MED12L: variants seen among roughly 807,000 people sequenced by gnomAD.
MED12L encodes mediator complex subunit 12L.
In MED12L, 60 loss-of-function variants were observed where a neutral mutation model predicts 281.3. That is an observed-to-expected ratio of 0.21 (90% confidence interval 0.17 to 0.26). The LOEUF is 0.26. MED12L is among the 10% of genes least tolerant of loss of function. The pLI is 1.00. For missense variants in MED12L, 2,146 were observed against 2,680.9 expected (o/e 0.80, Z 4.41); for synonymous variants, 974 against 987.2 (o/e 0.99, Z 0.25).
rs562978727 is a variant in MED12L, at chr3:151,202,171, T to C, written c.2250+8505T>C. Among the ~76,000 whole-genome samples, 7 of 152,344 alleles carry C rather than the reference T, an allele frequency of 4.6e-5. No individual in the cohort carries two copies. The South Asian group carries it at 1.4e-3, about 32-fold the overall frequency. ...AGAAACAAATCTGTTTATTTAAAAT[T>C]TTTGCTTATGTAAATTAGAGGTTAA... is the stretch of plus-strand genomic sequence containing the variant. On this transcript the variant is annotated intron_variant, in intron 16 of 44. Coordinates refer to ENST00000687756, the MANE Select transcript of MED12L (RefSeq NM_001393769.1).
At chr3:151,122,026 T>G (rs1181946055) in intron 3 of MED12L, among the ~76,000 whole-genome samples, 1 of 152,198 alleles carries the variant, frequency 6.6e-6, no homozygotes, top group Non-Finnish European at 1.5e-5. Flanking sequence ...ATTCACTAAA[T>G]TTTTAGATAT....
chr3:151,153,057 A>T (rs1234072325), intron 5 of MED12L, among the ~76,000 whole-genome samples: 5 of 152,184 alleles, frequency 3.3e-5, no homozygotes, highest in African/African-American at 1.2e-4. Context: ...ACGTGTTTTC[A>T]TATACTAGAG....
rs761528306 is a variant in MED12L at position 151,338,010 on chromosome 3, A to G, written c.2251-12049A>G. On this transcript the variant is annotated intron_variant, in intron 16 of 44. Transcript: ENST00000687756. ...AGTTAACCACAGAGTGCTCTCTTTC[A>G]CATAGAACAGAGTATTTTCAGCAGT... 4.6e-5 allele frequency: 75 copies of G among 1,614,154 alleles called. 1 individual carries two copies. In the African/African-American group the frequency reaches 8.1e-4, roughly 17 times the overall value.
At chr3:151,309,012 G>A (rs534267904) in intron 16 of MED12L, among the ~76,000 whole-genome samples, 3 of 151,800 alleles carry the variant, frequency 2.0e-5, no homozygotes, top group Non-Finnish European at 2.9e-5. Context: ...AGCATCAAAC[G>A]TTCACTCTCA....
intron 16 of MED12L, among the ~76,000 whole-genome samples, chr3:151,330,190 A>T (rs1334887187): frequency 1.3e-5 from 2 of 152,174 alleles, no homozygotes; most frequent in East Asian, 3.8e-4. Flanking sequence ...TTAAGAATGA[A>T]TTGGTTGCCT....
At chr3:151,217,377 A>G (rs1728442417) in intron 16 of MED12L, among the ~76,000 whole-genome samples, 1 of 152,186 alleles carries the variant, frequency 6.6e-6, no homozygotes, top group African/African-American at 2.4e-5. Flanking sequence ...CAGATTCCTC[A>G]GGTTGCTGGG....
chr3:151,406,802 CTT>C (rs36114038), intron 39 of MED12L, among the ~76,000 whole-genome samples: 107 of 137,290 alleles, frequency 7.8e-4, no homozygotes, highest in Non-Finnish European at 9.4e-4. Flanking sequence ...TCTTCTTCTT[CTT>C]TTTTTTTTTT....
intron 21 of MED12L, among the ~76,000 whole-genome samples, chr3:151,364,029 C>A (rs1754968515): frequency 6.6e-6 from 1 of 152,072 alleles, no homozygotes; most frequent in South Asian, 2.1e-4. Flanking sequence ...TAGGTCACCA[C>A]AAACCACAAA....
chr3:151,368,136 T>C lies in MED12L; in HGVS notation c.3449-14T>C. Reference sequence around the variant, plus strand: ...TGTGTTAGAAAACTTGCTTTTCCAATCCCCCTTTCCTAGCTTGTGGGGATG... The same window carrying C: ...TGTGTTAGAAAACTTGCTTTTCCAACCCCCCTTTCCTAGCTTGTGGGGATG... On this transcript the variant is annotated splice_polypyrimidine_tract_variant and intron_variant, in intron 24 of 44. Coordinates refer to ENST00000687756, the MANE Select transcript of MED12L (RefSeq NM_001393769.1). The C allele has an allele frequency of 6.2e-7, 1 of 1,609,542 alleles. No individual in the cohort carries two copies. Among genetic ancestry groups the C allele is most frequent in the Non-Finnish European group, 8.5e-7 (1 of 1,176,320 alleles).
chr3:151,173,085 T>G (rs1232358319), intron 11 of MED12L, among the ~76,000 whole-genome samples: 14 of 152,124 alleles, frequency 9.2e-5, no homozygotes, highest in Admixed American at 8.5e-4. Context: ...TTTTTTTTTT[T>G]TTTAACTTTT....
In MED12L at chr3:151,213,260, A is replaced by G. The variant is rs369042488; in HGVS notation, c.2250+19594A>G. The G allele has an allele frequency of 2.4e-5, 35 of 1,463,286 alleles. No homozygotes were observed. The African/African-American group carries it at 4.4e-4, about 18-fold the overall frequency. The allele number at this position is 1,463,286 out of a possible 1,614,324, so 90.6% of individuals were successfully genotyped here. A position where few individuals can be genotyped will look rare whatever the true frequency, so the allele number is the denominator to read the frequency against. On this transcript the variant is annotated intron_variant, in intron 16 of 44. Coordinates refer to ENST00000687756, the MANE Select transcript of MED12L (RefSeq NM_001393769.1). ...TTTCTGTTATGTAATTGAAGATGACAACATGCACACGTGGTCTTTCTTTGG... is the reference window on the plus strand; with the variant it reads ...TTTCTGTTATGTAATTGAAGATGACGACATGCACACGTGGTCTTTCTTTGG...
chr3:151,408,565 A>C (rs1016027385), intron 39 of MED12L, among the ~76,000 whole-genome samples: 1 of 152,224 alleles, frequency 6.6e-6, no homozygotes, highest in Non-Finnish European at 1.5e-5. Context: ...CCACCAAAAC[A>C]TAAAACACAC....
At chr3:151,126,048 C>CTT (rs34482366) in intron 4 of MED12L, among the ~76,000 whole-genome samples, 124 of 130,762 alleles carry the variant, frequency 9.5e-4, no homozygotes, top group Non-Finnish European at 1.4e-3. Context: ...ACTGCATCCT[C>CTT]TTTTTTTTTT....
chr3:151,112,438 A>C (rs1273864146), intron 2 of MED12L, among the ~76,000 whole-genome samples: 1 of 151,974 alleles, frequency 6.6e-6, no homozygotes, highest in Non-Finnish European at 1.5e-5. Context: ...TCCATGAATC[A>C]TGTGGGAATT....
intron 23 of MED12L, among the ~76,000 whole-genome samples, chr3:151,366,615 T>C (rs1031875647): frequency 2.6e-5 from 4 of 152,202 alleles, no homozygotes; most frequent in African/African-American, 4.8e-5. Flanking sequence ...TTGCCACTTA[T>C]TGGAGTAGTC....
chr3:151,164,645 T>C (rs1307407317), intron 9 of MED12L, among the ~76,000 whole-genome samples: 2 of 152,166 alleles, frequency 1.3e-5, no homozygotes, highest in South Asian at 2.1e-4. Context: ...GTGGCACATA[T>C]ACACCATGGA....
intron 16 of MED12L, among the ~76,000 whole-genome samples, chr3:151,280,945 C>G (rs1742701802): frequency 6.6e-6 from 1 of 151,924 alleles, no homozygotes; most frequent in Non-Finnish European, 1.5e-5. Context: ...TTGAAGTAGT[C>G]TTTAGGTTGT....
intron 16 of MED12L, chr3:151,199,458 A>C: frequency 2.3e-6 from 3 of 1,292,988 alleles, no homozygotes; most frequent in Admixed American, 2.3e-5. Flanking sequence ...GAAACAAGGA[A>C]AGGGAGGTTA....
intron 16 of MED12L, among the ~76,000 whole-genome samples, chr3:151,267,060 TTGTC>T (rs1559959995): frequency 6.6e-6 from 1 of 152,214 alleles, no homozygotes. Flanking sequence ...TAATTTAAAA[TTGTC>T]TGGGCAGCTC....
Sources: gnomAD v4.1 joint callset for allele counts (sites outside exome capture counted in the v4.1 genomes callset) on GRCh38, gnomAD v4.1.1 for gene constraint, MANE v1.5 for transcripts, NCBI Gene and HGNC (gene_info 2026-07-23, HGNC 2026-07-21) for gene names.